SLC4A4: variants seen among roughly 807,000 people sequenced by gnomAD.
The protein encoded by SLC4A4 is solute carrier family 4 member 4, also known as electrogenic sodium bicarbonate cotransporter 1.
A neutral mutation model predicts 111.5 loss-of-function variants in SLC4A4; 27 were observed. The ratio of observed to expected loss-of-function variants is 0.24; its 90% CI spans 0.18 to 0.33. The LOEUF is 0.33. SLC4A4 is among the 10% of genes least tolerant of loss of function. The pLI is 1.00. For missense variants in SLC4A4, 909 were observed against 1,315.5 expected, an observed-to-expected ratio of 0.69 and a Z score of 4.78; for synonymous variants, 443 against 463.4, an observed-to-expected ratio of 0.96 and a Z score of 0.57.
intron 1 of SLC4A4, among the ~76,000 whole-genome samples, chr4:71,091,819 G>A (rs990275775): frequency 9.9e-5 from 15 of 152,140 alleles, no homozygotes; most frequent in Non-Finnish European, 1.8e-4. Flanking sequence ...CTGCAAAGCC[G>A]TCTCTCTCCC....
chr4:71,107,135 GTAGATAGCATA>G (rs1338312368), intron 2 of SLC4A4, among the ~76,000 whole-genome samples: 3 of 151,658 alleles, frequency 2.0e-5, no homozygotes, highest in East Asian at 1.9e-4. Flanking sequence ...TATCTATCTT[GTAGATAGCATA>G]TAGATAGCAT....
chr4:71,529,913 C>T (rs1733765102), intron 16 of SLC4A4, among the ~76,000 whole-genome samples: 1 of 152,162 alleles, frequency 6.6e-6, no homozygotes, highest in South Asian at 2.1e-4. Flanking sequence ...TTATGACCTA[C>T]TGGTCTAGAG....
At chr4:71,214,223 C>T (rs1718294281) in intron 1 of SLC4A4, among the ~76,000 whole-genome samples, 1 of 152,072 alleles carries the variant, frequency 6.6e-6, no homozygotes, top group African/African-American at 2.4e-5. Flanking sequence ...TTACACAGCC[C>T]CGTATACAAC....
chr4:71,124,822 T>C (rs943332304), intron 2 of SLC4A4, among the ~76,000 whole-genome samples: 5 of 152,228 alleles, frequency 3.3e-5, no homozygotes, highest in Admixed American at 2.0e-4. Flanking sequence ...GGACAATCCA[T>C]TGGCCTAGGC....
At chr4:71,144,049 A>G (rs1744090578) in intron 2 of SLC4A4, among the ~76,000 whole-genome samples, 1 of 152,184 alleles carries the variant, frequency 6.6e-6, no homozygotes, top group African/African-American at 2.4e-5. Context: ...GGTATTGCCT[A>G]GGTTTTCTTC....
intron 1 of SLC4A4, among the ~76,000 whole-genome samples, chr4:71,189,190 G>A (rs981630951): frequency 2.0e-5 from 3 of 152,142 alleles, no homozygotes; most frequent in African/African-American, 7.2e-5. Flanking sequence ...GGATTTAAGT[G>A]TACTTCAGAA....
intron 14 of SLC4A4, among the ~76,000 whole-genome samples, chr4:71,486,034 G>A (rs1428246675): frequency 6.6e-6 from 1 of 151,344 alleles, no homozygotes. Flanking sequence ...TGGCTCAGAG[G>A]GACTGGAGTA....
At chr4:71,314,436 T>C (rs922165430) in intron 3 of SLC4A4, among the ~76,000 whole-genome samples, 2 of 152,202 alleles carry the variant, frequency 1.3e-5, no homozygotes, top group Admixed American at 6.5e-5. Context: ...CAAAGGATTA[T>C]AAAACATTGT....
At position 71,302,735 on chromosome 4, in the gene SLC4A4, G is replaced by A. The variant is rs565773712; in HGVS notation, c.254-36635G>A. Among the ~76,000 whole-genome samples, 150 of 152,228 alleles carry A rather than the reference G, an allele frequency of 9.9e-4. 1 individual carries two copies. In the South Asian group the frequency reaches 0.011, roughly 11 times the overall value. On this transcript the variant is annotated intron_variant, in intron 3 of 25. Coordinates refer to ENST00000264485, the MANE Select transcript of SLC4A4 (RefSeq NM_001098484.3). ...CATCATTTCAATGGTGACCTTCAAGGGCAATGATGCCCCAGCCTTCAATGT... is the reference window on the plus strand; with the variant it reads ...CATCATTTCAATGGTGACCTTCAAGAGCAATGATGCCCCAGCCTTCAATGT...
At chr4:71,381,172 C>T (rs1003794426) in intron 6 of SLC4A4, among the ~76,000 whole-genome samples, 8 of 152,114 alleles carry the variant, frequency 5.3e-5, no homozygotes, top group Non-Finnish European at 1.0e-4. Flanking sequence ...GCATCCTTTT[C>T]GAGGATGAAG....
chr4:71,299,153 C>G (rs1725023702), intron 3 of SLC4A4, among the ~76,000 whole-genome samples: 1 of 152,076 alleles, frequency 6.6e-6, no homozygotes, highest in African/African-American at 2.4e-5. Flanking sequence ...ATCCATGAGG[C>G]AGAAAAGTGG....
chr4:71,250,564 A>G (rs1458990847), intron 2 of SLC4A4, among the ~76,000 whole-genome samples: 1 of 152,158 alleles, frequency 6.6e-6, no homozygotes, highest in Admixed American at 6.6e-5. Flanking sequence ...TTAAAAAATT[A>G]TATACTACCT....
intron 16 of SLC4A4, among the ~76,000 whole-genome samples, chr4:71,506,473 T>C (rs2149166737): frequency 6.6e-6 from 1 of 152,252 alleles, no homozygotes; most frequent in Admixed American, 6.5e-5. Flanking sequence ...AGTTCATCTG[T>C]GATTTGGCTT....
intron 3 of SLC4A4, among the ~76,000 whole-genome samples, chr4:71,292,842 G>T (rs28368917): frequency 0.04 from 4,373 of 110,032 alleles, 213 homozygotes; most frequent in African/African-American, 0.12. Flanking sequence ...GGTTTTTTTT[G>T]TTTTTTTTTT....
chr4:71,227,696 GATAAACA>G (rs1356001921), intron 1 of SLC4A4, among the ~76,000 whole-genome samples: 15 of 152,158 alleles, frequency 9.9e-5, no homozygotes, highest in African/African-American at 3.4e-4. Flanking sequence ...GGGGACAGAG[GATAAACA>G]TGCCCGTCGC....
chr4:71,397,430 T>G (rs1719921102), intron 6 of SLC4A4, 147 bp from the exon 7 acceptor site: 6 of 755,216 alleles, frequency 7.9e-6, no homozygotes, highest in Non-Finnish European at 7.0e-6. Flanking sequence ...ACCTGGACTC[T>G]GGAAAACTCT....
At chr4:71,330,415 T>C (rs1727875755) in intron 3 of SLC4A4, among the ~76,000 whole-genome samples, 1 of 152,088 alleles carries the variant, frequency 6.6e-6, no homozygotes, top group Non-Finnish European at 1.5e-5. Context: ...AACAGAGCCC[T>C]CAGAAATAAT....
chr4:71,264,062 G>A (rs1006789884), intron 3 of SLC4A4, among the ~76,000 whole-genome samples: 1 of 152,016 alleles, frequency 6.6e-6, no homozygotes, highest in Non-Finnish European at 1.5e-5. Flanking sequence ...GGCTGTTTGC[G>A]GAGTTTTTTT....
intron 2 of SLC4A4, among the ~76,000 whole-genome samples, chr4:71,125,196 G>A (rs1468568443): frequency 6.6e-6 from 1 of 152,216 alleles, no homozygotes; most frequent in African/African-American, 2.4e-5. Flanking sequence ...ACAGATTGTA[G>A]AGAATAGTAA....
Sources: allele counts gnomAD v4.1 joint callset (sites outside exome capture counted in the v4.1 genomes callset), GRCh38; gene constraint gnomAD v4.1.1; transcripts MANE v1.5; gene names NCBI Gene and HGNC (gene_info 2026-07-23, HGNC 2026-07-21).